CWC27: variants seen among roughly 807,000 people sequenced by gnomAD.
CWC27 encodes the protein CWC27 spliceosome associated cyclophilin, also known as spliceosome-associated protein CWC27 homolog.
CWC27 carries 47 observed loss-of-function variants against 63.6 expected under a neutral mutation model. That is an observed-to-expected ratio of 0.74 (90% CI 0.58 to 0.94). The LOEUF is 0.94. Among genes scored for constraint, CWC27 ranks in the 40% least tolerant of loss-of-function variants. The pLI is 0.00. For synonymous variants in CWC27, 175 were observed against 179.8 expected, an observed-to-expected ratio of 0.97 and a Z score of 0.22; for missense variants, 495 against 554.3, an observed-to-expected ratio of 0.89 and a Z score of 1.07.
intron 10 of CWC27, among the ~76,000 whole-genome samples, chr5:64,864,730 T>A (rs1009689637): frequency 6.6e-6 from 1 of 152,158 alleles, no homozygotes; most frequent in Non-Finnish European, 1.5e-5. Flanking sequence ...TCACAATGCA[T>A]TTCGTCACTA....
At chr5:64,969,756 T>A (rs1164647923) in intron 11 of CWC27, among the ~76,000 whole-genome samples, 2 of 151,806 alleles carry the variant, frequency 1.3e-5, no homozygotes. Context: ...TAAAGTGTGA[T>A]AAGTGCTAAA....
In CWC27 at chr5:64,997,309, A is replaced by G. The variant is rs538241356; in HGVS notation, c.1256+20071A>G. ...TTCTAACTCTGTGCCCTAAAGTGTA[A>G]ACTGGGGATAATAATAGTACCTTTT... On this transcript the variant is annotated intron_variant, in intron 13 of 13. Transcript: ENST00000381070. Among the ~76,000 whole-genome samples the G allele has an allele frequency of 3.3e-5, 5 of 152,124 alleles. No individual in the cohort carries two copies. The South Asian group carries it at 1.0e-3, about 31-fold the overall frequency.
At chr5:64,867,180 G>A (rs539801957) in intron 10 of CWC27, among the ~76,000 whole-genome samples, 1 of 152,036 alleles carries the variant, frequency 6.6e-6, no homozygotes, top group African/African-American at 2.4e-5. Context: ...AGGAAGTTTT[G>A]TATAAATTTT....
At chr5:64,833,290 G>A (rs1419222103) in intron 10 of CWC27, among the ~76,000 whole-genome samples, 1 of 151,834 alleles carries the variant, frequency 6.6e-6, no homozygotes. Context: ...ATGACACATA[G>A]TTTAGTTCTA....
chr5:64,977,365 C>T, intron 13 of CWC27, 127 bp downstream of exon 13: 1 of 562,288 alleles, frequency 1.8e-6, no homozygotes. Flanking sequence ...AGGACCTCGG[C>T]AACTTTTGAC....
At chr5:64,807,976 T>C (rs1169629399) in intron 10 of CWC27, 3 of 1,410,508 alleles carry the variant, frequency 2.1e-6, no homozygotes, top group Non-Finnish European at 2.8e-6. Flanking sequence ...ACTAAGGCCA[T>C]CTAGTTGATA....
At chr5:64,816,996 A>G (rs1461133750) in intron 10 of CWC27, among the ~76,000 whole-genome samples, 1 of 151,952 alleles carries the variant, frequency 6.6e-6, no homozygotes, top group Admixed American at 6.6e-5. Flanking sequence ...CACCAAATCT[A>G]CCTATCTGCA....
In CWC27 at chr5:64,972,832, C is replaced by G. The variant is rs1749151170; in HGVS notation, c.1152+1020C>G. On this transcript the variant is annotated intron_variant, in intron 12 of 13. Transcript: ENST00000381070. ...TGTACTAATCACTGTATTTGGCAGTCAACACATGAACACATCCCTGCTCTC... is the reference window on the plus strand; with the variant it reads ...TGTACTAATCACTGTATTTGGCAGTGAACACATGAACACATCCCTGCTCTC... 3 of 336,848 alleles carry G rather than the reference C, an allele frequency of 8.9e-6. No individual in the cohort carries two copies. The Middle Eastern group carries it at 1.2e-3, about 133-fold the overall frequency. The allele number at this position is 336,848 out of a possible 1,614,324, so 20.9% of individuals were successfully genotyped here.
intron 7 of CWC27, among the ~76,000 whole-genome samples, chr5:64,799,309 C>G (rs1217910296): frequency 6.6e-6 from 1 of 152,090 alleles, no homozygotes; most frequent in Non-Finnish European, 1.5e-5. Flanking sequence ...AATACTTGGC[C>G]AGGCACAGTG....
At chr5:64,941,475 T>C (rs1366763639) in intron 11 of CWC27, among the ~76,000 whole-genome samples, 1 of 152,070 alleles carries the variant, frequency 6.6e-6, no homozygotes, top group Non-Finnish European at 1.5e-5. Flanking sequence ...ATCTACATAT[T>C]TATTACAGAA....
intron 11 of CWC27, among the ~76,000 whole-genome samples, chr5:64,909,408 G>A (rs986239143): frequency 6.6e-6 from 1 of 152,108 alleles, no homozygotes; most frequent in Non-Finnish European, 1.5e-5. Flanking sequence ...TGACGATTAT[G>A]TGTCTTGGGG....
At chr5:64,948,444 G>A (rs745807037) in intron 11 of CWC27, among the ~76,000 whole-genome samples, 5 of 151,028 alleles carry the variant, frequency 3.3e-5, no homozygotes, top group Admixed American at 6.6e-5. Context: ...TGTACTAACC[G>A]TATATATATG....
intron 11 of CWC27, among the ~76,000 whole-genome samples, chr5:64,946,111 C>CA: frequency 6.6e-6 from 1 of 152,142 alleles, no homozygotes; most frequent in Middle Eastern, 3.4e-3. Context: ...CTGTTTAAGC[C>CA]AAAAGCAGTC....
chr5:64,859,180 A>T (rs112142048), intron 10 of CWC27, among the ~76,000 whole-genome samples: 1,651 of 152,322 alleles, frequency 0.011, 25 homozygotes, highest in African/African-American at 0.038. Flanking sequence ...ATAGTGCATG[A>T]TTCTATTTAT....
At chr5:64,885,633 T>C in intron 11 of CWC27, 87 bp downstream of exon 11, 1 of 911,786 alleles carries the variant, frequency 1.1e-6, no homozygotes. Context: ...CCCGTATTCA[T>C]CCCTTCCCTT....
At chr5:64,981,921 T>C (rs1476311320) in intron 13 of CWC27, among the ~76,000 whole-genome samples, 3 of 152,240 alleles carry the variant, frequency 2.0e-5, no homozygotes, top group African/African-American at 7.2e-5. Context: ...TTAAAACTTC[T>C]GGATATGGAT....
chr5:65,009,150 C>T lies in CWC27; in HGVS notation c.1257-9009C>T, dbSNP rs1749901396. ...GTGGCATGGGCAGATCACATCATGACAGGGGAGTGAGAGTGAAAGGGAAGG... is the reference window on the plus strand; with the variant it reads ...GTGGCATGGGCAGATCACATCATGATAGGGGAGTGAGAGTGAAAGGGAAGG... On this transcript the variant is annotated intron_variant, in intron 13 of 13. Coordinates refer to ENST00000381070, the MANE Select transcript of CWC27 (RefSeq NM_005869.4). 2.0e-5 allele frequency among the ~76,000 whole-genome samples: 3 copies of T among 152,114 alleles called. No individual in the cohort carries two copies. In the South Asian group the frequency reaches 6.2e-4, roughly 32 times the overall value.
intron 13 of CWC27, among the ~76,000 whole-genome samples, chr5:64,984,726 G>GT (rs1415267112): frequency 6.6e-6 from 1 of 152,092 alleles, no homozygotes; most frequent in African/African-American, 2.4e-5. Flanking sequence ...TTATTTGCAA[G>GT]TTTTTTATCA....
chr5:64,907,898 T>C (rs987465968), intron 11 of CWC27, among the ~76,000 whole-genome samples: 2 of 152,242 alleles, frequency 1.3e-5, no homozygotes, highest in African/African-American at 4.8e-5. Context: ...AGTTCTGCTC[T>C]GATCTTAATT....
Sources: allele counts gnomAD v4.1 joint callset (sites outside exome capture counted in the v4.1 genomes callset), GRCh38; gene constraint gnomAD v4.1.1; transcripts MANE v1.5; gene names NCBI Gene and HGNC (gene_info 2026-07-23, HGNC 2026-07-21).